Variants in PPP2R5C observed in about 807,000 individuals in gnomAD.
The protein encoded by PPP2R5C is protein phosphatase 2 regulatory subunit B'gamma, also known as serine/threonine-protein phosphatase 2A 56 kDa regulatory subunit gamma isoform.
Under a neutral mutation model 68.9 loss-of-function variants are expected in PPP2R5C, and 7 were observed. The ratio of observed to expected loss-of-function variants is 0.10; its 90% CI spans 0.06 to 0.19. The LOEUF is 0.19. PPP2R5C is among the 10% of genes least tolerant of loss of function. PPP2R5C has a pLI of 1.00. For synonymous variants in PPP2R5C, 210 were observed against 222.2 expected, an observed-to-expected ratio of 0.95 and a Z score of 0.49; for missense variants, 348 against 641.3, an observed-to-expected ratio of 0.54 and a Z score of 4.94.
At chr14:101,826,080 T>C (rs112870849) in intron 1 of PPP2R5C, among the ~76,000 whole-genome samples, 2,937 of 152,326 alleles carry the variant, frequency 0.019, 44 homozygotes, top group Non-Finnish European at 0.029. Flanking sequence ...TTTGCAGATA[T>C]TTTTCTCATA....
In PPP2R5C at chr14:101,852,438, C is replaced by CT. The variant is rs896000840; in HGVS notation, c.95-4239dup. 7.4e-5 allele frequency among the ~76,000 whole-genome samples: 10 copies of CT among 134,572 alleles called. No individual in the cohort carries two copies. The East Asian group carries it at 1.1e-3, about 14-fold the overall frequency. The allele number at this position is 134,572 out of a possible 152,430, so 88.3% of individuals were successfully genotyped here. A position where few individuals can be genotyped will look rare whatever the true frequency, so the allele number is the denominator to read the frequency against. On this transcript the variant is annotated intron_variant, in intron 1 of 13. Transcript: ENST00000334743. ...TACGTTTTTTAAAGAATAGCACATT[C>CT]TTTTTTTTTCTTTTTTTTCATTTTC...
At chr14:101,865,247 C>T (rs1318508680) in intron 2 of PPP2R5C, among the ~76,000 whole-genome samples, 2 of 152,226 alleles carry the variant, frequency 1.3e-5, no homozygotes, top group Non-Finnish European at 2.9e-5. Flanking sequence ...GTTTACCAGG[C>T]AGACACTGGG....
intron 1 of PPP2R5C, among the ~76,000 whole-genome samples, chr14:101,853,267 A>T (rs1474941804): frequency 6.6e-6 from 1 of 152,180 alleles, no homozygotes; most frequent in East Asian, 1.9e-4. Flanking sequence ...CTTTTAAAAA[A>T]AAAATAGTCA....
rs11325673 is a variant in PPP2R5C, at chr14:101,924,445, C to CTTTTTTTTTTTTTTTTTTTTTTTTTTTTT, written c.1444-684_1444-683insTTTTTTTTTTTTTTTTTTTTTTTTTTTTT. 5.5e-3 allele frequency among the ~76,000 whole-genome samples: 462 copies of CTTTTTTTTTTTTTTTTTTTTTTTTTTTTT among 84,372 alleles called. 78 individuals carry two copies. The highest frequency in any genetic ancestry group is 0.013 in the Middle Eastern group (2 of 154). 55.4% of individuals were successfully genotyped at this position (84,372 alleles called of 152,430 possible). A position where few individuals can be genotyped will look rare whatever the true frequency, so the allele number is the denominator to read the frequency against. ...TTTACCTCCAAGGAAATTTCTACAT[C>CTTTTTTTTTTTTTTTTTTTTTTTTTTTTT]TTTTTTTTTTTTGAGATGGAGTCTG... On this transcript the variant is annotated intron_variant, in intron 13 of 13. Transcript: ENST00000334743.
intron 2 of PPP2R5C, among the ~76,000 whole-genome samples, chr14:101,876,480 G>A (rs1441903161): frequency 2.0e-5 from 3 of 151,550 alleles, no homozygotes; most frequent in African/African-American, 7.3e-5. Flanking sequence ...CTGCAGTTAT[G>A]TTACGGCATA....
intron 1 of PPP2R5C, chr14:101,843,386 A>G (rs1192310713): frequency 1.8e-5 from 4 of 218,004 alleles, no homozygotes; most frequent in Non-Finnish European, 2.9e-5. Flanking sequence ...TTAACTGTTT[A>G]TTTTCTTAAA....
rs771963979 is a variant in PPP2R5C at position 101,781,028 on chromosome 14, G to A, written c.94-4990G>A. The stretch of plus-strand genomic sequence containing the variant: ...GATGCGCCAGCTCGGCCTGAACCAT[G>A]GAATGCAGCGTGGGGCAGCCGCTCC... On this transcript the variant is annotated intron_variant, in intron 2 of 14. Coordinates refer to the PPP2R5C transcript ENST00000328724. The surrounding 1 kb of genome is among the most constrained non-coding windows in gnomAD (Gnocchi z 6.4). Among the ~76,000 whole-genome samples, 1 of 152,210 alleles carries A rather than the reference G, an allele frequency of 6.6e-6. No individual in the cohort carries two copies. Among genetic ancestry groups the A allele is most frequent in the Non-Finnish European group, 1.5e-5 (1 of 68,038 alleles).
chr14:101,924,362 T>G (rs934952847), intron 13 of PPP2R5C, among the ~76,000 whole-genome samples: 2 of 151,856 alleles, frequency 1.3e-5, no homozygotes, highest in Non-Finnish European at 2.9e-5. Flanking sequence ...ATATATTTTT[T>G]TCAATTTGAT....
chr14:101,824,879 TC>T (rs1302305666), intron 1 of PPP2R5C: 1 of 152,570 alleles, frequency 6.6e-6, no homozygotes, highest in African/African-American at 2.4e-5. Flanking sequence ...TAATTGGTGG[TC>T]CTGGGATGCA....
At chr14:101,912,750 T>A (rs2046465781) in intron 12 of PPP2R5C, 1 of 393,080 alleles carries the variant, frequency 2.5e-6, no homozygotes, top group South Asian at 9.1e-5. Flanking sequence ...AAAACTTGAA[T>A]ACAGCCTGAG....
chr14:101,806,520 T>C (rs1216325703), upstream of PPP2R5C, among the ~76,000 whole-genome samples: 1 of 152,232 alleles, frequency 6.6e-6, no homozygotes, highest in Non-Finnish European at 1.5e-5. Context: ...TGATGGGCAT[T>C]TGGGTTGGTT....
intron 11 of PPP2R5C, among the ~76,000 whole-genome samples, chr14:101,911,300 G>T (rs1445161575): frequency 6.6e-6 from 1 of 152,172 alleles, no homozygotes; most frequent in Admixed American, 6.5e-5. Context: ...CCCTTTTGGG[G>T]TTTATATTCT....
intron 13 of PPP2R5C, among the ~76,000 whole-genome samples, chr14:101,920,522 T>C (rs115522500): frequency 0.017 from 2,658 of 152,286 alleles, 46 homozygotes; most frequent in African/African-American, 0.039. Flanking sequence ...CCTCACCTCA[T>C]CCTTAGATCT....
chr14:101,857,023 A>G lies in PPP2R5C; in HGVS notation c.294+138A>G. The G allele has an allele frequency of 8.5e-6, 7 of 823,148 alleles. 1 individual carries two copies. The South Asian group carries it at 1.2e-4, about 15-fold the overall frequency. The allele number at this position is 823,148 out of a possible 1,614,324, so 51.0% of individuals were successfully genotyped here. Reference sequence around the variant, plus strand: ...AATTTGTAGTTGTGCTTGAAGAATGAAAATTTTCTTTGTATCCTGGATTGT... The same window carrying G: ...AATTTGTAGTTGTGCTTGAAGAATGGAAATTTTCTTTGTATCCTGGATTGT... On this transcript the variant is annotated intron_variant, in intron 2 of 13. Transcript: ENST00000334743.
chr14:101,912,681 C>T, intron 12 of PPP2R5C: 4 of 1,079,894 alleles, frequency 3.7e-6, no homozygotes, highest in Non-Finnish European at 4.8e-6. Context: ...ACAGAATTGA[C>T]TTTTTTCCTC....
intron 2 of PPP2R5C, among the ~76,000 whole-genome samples, chr14:101,779,372 G>T (rs930095002): frequency 3.9e-5 from 6 of 152,200 alleles, no homozygotes; most frequent in African/African-American, 1.4e-4. Context: ...TAAGAACACT[G>T]AGGAGATGGT....
At chr14:101,842,418 G>T (rs917087103) in intron 1 of PPP2R5C, among the ~76,000 whole-genome samples, 14 of 152,186 alleles carry the variant, frequency 9.2e-5, no homozygotes, top group African/African-American at 3.4e-4. Flanking sequence ...TTGCTTTCCT[G>T]CCTGGTGAGC....
At chr14:101,865,327 T>A (rs1007522987) in intron 2 of PPP2R5C, among the ~76,000 whole-genome samples, 1 of 152,228 alleles carries the variant, frequency 6.6e-6, no homozygotes, top group African/African-American at 2.4e-5. Context: ...CCGCTCTCTG[T>A]ATGCAGCCTT....
chr14:101,788,549 G>A (rs927406335), intron 3 of PPP2R5C, among the ~76,000 whole-genome samples: 2 of 151,976 alleles, frequency 1.3e-5, no homozygotes, highest in African/African-American at 4.8e-5. Flanking sequence ...CGTTTCCTTC[G>A]TTTTTCATTA....
Sources: gnomAD v4.1 joint callset for allele counts (sites outside exome capture counted in the v4.1 genomes callset) on GRCh38, gnomAD v4.1.1 for gene constraint, Gnocchi (gnomAD v3.1) non-coding constraint, MANE v1.5 for transcripts, NCBI Gene and HGNC (gene_info 2026-07-23, HGNC 2026-07-21) for gene names.